The following ZNF100 variants were observed in gnomAD, a reference collection of about 807,000 sequenced individuals.
ZNF100 encodes zinc finger protein 100, also known as zinc finger protein 100 (Y1).
A neutral mutation model predicts 15.8 loss-of-function variants in ZNF100; 12 were observed. The ratio of observed to expected loss-of-function variants is 0.76; its 90% CI spans 0.49 to 1.23. ZNF100 has a LOEUF of 1.23. Among genes scored for constraint, ZNF100 ranks in the 50% most tolerant of loss-of-function variants. The pLI is 0.00. For synonymous variants in ZNF100, 226 were observed against 214.8 expected, an observed-to-expected ratio of 1.05 and a Z score of -0.45; for missense variants, 670 against 635.6, an observed-to-expected ratio of 1.05 and a Z score of -0.58.
chr19:21,735,683 G>A (rs2035996608), intron 4 of ZNF100, among the ~76,000 whole-genome samples: 1 of 152,130 alleles, frequency 6.6e-6, no homozygotes, highest in African/African-American at 2.4e-5. Flanking sequence ...CATAGTTTCT[G>A]ATAAAACAGA....
intron 4 of ZNF100, among the ~76,000 whole-genome samples, chr19:21,728,259 A>G (rs2145683955): frequency 6.6e-6 from 1 of 152,208 alleles, no homozygotes; most frequent in Middle Eastern, 3.4e-3. Flanking sequence ...TACCCAACAG[A>G]GCTCTTTCTG....
intron 4 of ZNF100, among the ~76,000 whole-genome samples, chr19:21,741,603 G>GACCC (rs1303559386): frequency 6.6e-6 from 1 of 151,970 alleles, no homozygotes; most frequent in African/African-American, 2.4e-5. Context: ...TTGAACTCCT[G>GACCC]ACCTCAGGTG....
At chr19:21,742,032 C>A (rs1445245135) in intron 4 of ZNF100, among the ~76,000 whole-genome samples, 1 of 151,990 alleles carries the variant, frequency 6.6e-6, no homozygotes, top group Non-Finnish European at 1.5e-5. Flanking sequence ...CGCGGTGGCC[C>A]ATGCTGTAAT....
At chr19:21,729,371 T>C (rs1289558026) in intron 4 of ZNF100, among the ~76,000 whole-genome samples, 6 of 146,032 alleles carry the variant, frequency 4.1e-5, no homozygotes, top group Admixed American at 1.4e-4. Flanking sequence ...GTTGCTTCTA[T>C]TGAAAATAAC....
intron 2 of ZNF100, among the ~76,000 whole-genome samples, chr19:21,746,247 C>T (rs577116723): frequency 6.6e-6 from 1 of 152,292 alleles, no homozygotes; most frequent in Non-Finnish European, 1.5e-5. Context: ...TTCAATCATA[C>T]AGAAACATCA....
At chr19:21,738,774 T>A (rs182405109) in intron 4 of ZNF100, among the ~76,000 whole-genome samples, 2 of 152,160 alleles carry the variant, frequency 1.3e-5, no homozygotes, top group African/African-American at 4.8e-5. Flanking sequence ...TGAAATCCCA[T>A]CTCTACTAAA....
intron 4 of ZNF100, among the ~76,000 whole-genome samples, chr19:21,730,980 A>G (rs1270120039): frequency 6.6e-6 from 1 of 152,176 alleles, no homozygotes; most frequent in African/African-American, 2.4e-5. Context: ...GTTGTTAAAA[A>G]TTTCTCATTG....
intron 2 of ZNF100, 97 bp from the exon 3 acceptor site, chr19:21,745,164 A>G: frequency 6.7e-7 from 1 of 1,490,518 alleles, no homozygotes; most frequent in Non-Finnish European, 8.9e-7. Context: ...AGCAAAGAGA[A>G]TTGGTTCTGA....
chr19:21,758,352 T>A (rs1256553826), intron 2 of ZNF100, among the ~76,000 whole-genome samples: 1 of 151,596 alleles, frequency 6.6e-6, no homozygotes, highest in Non-Finnish European at 1.5e-5. Context: ...AGTGACAAAA[T>A]AATCTACACC....
At position 21,726,432 on chromosome 19, in the gene ZNF100, A is replaced by G. The variant is rs1302689097; in HGVS notation, c.*251T>C. The G allele has an allele frequency of 4.5e-6, 2 of 445,564 alleles. No homozygotes were observed. The highest frequency in any genetic ancestry group is 7.9e-6 in the Non-Finnish European group (2 of 253,720). 27.6% of individuals were successfully genotyped at this position (445,564 alleles called of 1,614,324 possible). ...TGACAACCATTTAAAACTTTATCAC[A>G]TTCTTCACATTTCTAGGATTTCTCA... On this transcript the variant is annotated 3_prime_UTR_variant, in exon 5 of 5. Coordinates refer to ENST00000358296, the MANE Select transcript of ZNF100 (RefSeq NM_173531.4).
At chr19:21,741,281 G>A (rs369758076) in intron 4 of ZNF100, among the ~76,000 whole-genome samples, 4 of 152,280 alleles carry the variant, frequency 2.6e-5, no homozygotes, top group African/African-American at 9.6e-5. Context: ...GTTACTTAAT[G>A]GGTATTTAGT....
intron 4 of ZNF100, among the ~76,000 whole-genome samples, chr19:21,733,112 T>C (rs2035946573): frequency 6.6e-6 from 1 of 152,160 alleles, no homozygotes; most frequent in Non-Finnish European, 1.5e-5. Context: ...AACAAAATGA[T>C]GCCAGAAGTA....
intron 4 of ZNF100, among the ~76,000 whole-genome samples, chr19:21,737,305 C>G (rs2036025119): frequency 6.6e-6 from 1 of 151,862 alleles, no homozygotes; most frequent in Non-Finnish European, 1.5e-5. Context: ...GTGGGTGGAT[C>G]ACCTGAGGTC....
chr19:21,735,772 ATT>A (rs2035998430), intron 4 of ZNF100, among the ~76,000 whole-genome samples: 1 of 152,058 alleles, frequency 6.6e-6, no homozygotes, highest in Non-Finnish European at 1.5e-5. Context: ...GAACACCCAG[ATT>A]TGTTTTTATT....
intron 2 of ZNF100, among the ~76,000 whole-genome samples, chr19:21,747,500 G>C (rs2036231516): frequency 6.6e-6 from 1 of 151,922 alleles, no homozygotes; most frequent in Non-Finnish European, 1.5e-5. Flanking sequence ...CTGCATGTTT[G>C]GAAAGGGTTC....
rs2035784881 is a variant in ZNF100, at chr19:21,726,367, A to C, written c.*316T>G. ...TTGTCACACTGTTCACACATGTAGAAGTTTTCTCCAGTATAACTTACCTTA... is the reference window on the plus strand; with the variant it reads ...TTGTCACACTGTTCACACATGTAGACGTTTTCTCCAGTATAACTTACCTTA... On this transcript the variant is annotated 3_prime_UTR_variant, in exon 5 of 5. Transcript: ENST00000358296. 2 of 291,470 alleles carry C rather than the reference A, an allele frequency of 6.9e-6. No homozygotes were observed. The highest frequency in any genetic ancestry group is 1.3e-5 in the Non-Finnish European group (2 of 157,230). The allele number at this position is 291,470 out of a possible 1,614,324, so 18.1% of individuals were successfully genotyped here. A position where few individuals can be genotyped will look rare whatever the true frequency, so the allele number is the denominator to read the frequency against.
intron 2 of ZNF100, chr19:21,753,345 G>A (rs1245944440): frequency 6.6e-6 from 1 of 152,282 alleles, no homozygotes; most frequent in Admixed American, 6.5e-5. Flanking sequence ...AGGCTGAGGT[G>A]GGAGGATTAC....
intron 2 of ZNF100, among the ~76,000 whole-genome samples, chr19:21,748,136 A>T (rs912172437): frequency 6.6e-6 from 1 of 152,218 alleles, no homozygotes; most frequent in African/African-American, 2.4e-5. Context: ...ATGTTTCTGT[A>T]AGCACTGGTT....
At chr19:21,749,143 A>AT (rs1164832169) in intron 2 of ZNF100, among the ~76,000 whole-genome samples, 1 of 152,076 alleles carries the variant, frequency 6.6e-6, no homozygotes, top group African/African-American at 2.4e-5. Flanking sequence ...TGCTTCATCT[A>AT]TTTTTTGAAT....
Sources: allele counts gnomAD v4.1 joint callset (sites outside exome capture counted in the v4.1 genomes callset), GRCh38; gene constraint gnomAD v4.1.1; transcripts MANE v1.5; gene names NCBI Gene and HGNC (gene_info 2026-07-23, HGNC 2026-07-21).